DMD: variants seen among roughly 807,000 people sequenced by gnomAD.
DMD encodes mutant dystrophin.
In DMD, 63 loss-of-function variants were observed where a neutral mutation model predicts 330.1. The observed-to-expected ratio is 0.19, with a 90% confidence interval of 0.16 to 0.24. The LOEUF is 0.24. Among genes scored for constraint, DMD ranks in the 10% least tolerant of loss-of-function variants. DMD has a pLI of 1.00. For synonymous variants in DMD, 1,223 were observed against 959.8 expected (o/e 1.27, Z -5.07); for missense variants, 3,344 against 2,684.1 (o/e 1.25, Z -5.43).
rs146142607 is a variant in DMD at position 31,243,651 on chromosome X, T to C, written c.9286+17304A>G. On this transcript the variant is annotated intron_variant, in intron 63 of 78. Coordinates refer to ENST00000357033, the MANE Select transcript of DMD (RefSeq NM_004006.3). Reference sequence around the variant, plus strand: ...GATGGTTTAATTTTCCTTGTTACAATAGCAAAAGTAAAAATAATACTCCAT... The same window carrying C: ...GATGGTTTAATTTTCCTTGTTACAACAGCAAAAGTAAAAATAATACTCCAT... Among the ~76,000 whole-genome samples the C allele has an allele frequency of 5.3e-3, 601 of 112,923 alleles. 5 individuals carry two copies. The highest frequency in any genetic ancestry group is 0.018 in the African/African-American group (575 of 31,208).
intron 44 of DMD, among the ~76,000 whole-genome samples, chrX:32,125,282 A>G (rs752613556): frequency 1.8e-4 from 20 of 111,681 alleles, no homozygotes; most frequent in African/African-American, 6.5e-4. Flanking sequence ...GATATTGAGA[A>G]GGTTAAATCA....
intron 44 of DMD, among the ~76,000 whole-genome samples, chrX:31,996,564 T>C (rs1467136219): frequency 9.0e-6 from 1 of 111,699 alleles, no homozygotes; most frequent in Non-Finnish European, 1.9e-5. Flanking sequence ...CTTTATCTAG[T>C]TGAATAAAAA....
intron 9 of DMD, among the ~76,000 whole-genome samples, chrX:32,681,121 G>A (rs2062387509): frequency 8.9e-6 from 1 of 111,836 alleles, no homozygotes; most frequent in South Asian, 3.7e-4. Flanking sequence ...CTTAAGCATA[G>A]GGTTATTTCC....
chrX:33,317,398 G>C (rs977891818), intron 1 of DMD, among the ~76,000 whole-genome samples: 1 of 111,532 alleles, frequency 9.0e-6, no homozygotes, highest in African/African-American at 3.2e-5. Flanking sequence ...TATCAACTAA[G>C]AATTTTATTC....
At chrX:32,765,295 G>A (rs981649807) in intron 7 of DMD, among the ~76,000 whole-genome samples, 1 of 110,426 alleles carries the variant, frequency 9.1e-6, no homozygotes, top group Non-Finnish European at 1.9e-5. Flanking sequence ...AGTACTGTCC[G>A]CTTGGTACTA....
At chrX:31,935,655 C>G (rs772392822) in intron 45 of DMD, among the ~76,000 whole-genome samples, 1 of 111,335 alleles carries the variant, frequency 9.0e-6, no homozygotes, top group South Asian at 3.8e-4. Context: ...GTTCTGAATA[C>G]TTTTAGTTAA....
chrX:31,517,233 T>C lies in DMD; in HGVS notation c.8218-9780A>G, dbSNP rs141506469. 2.2e-3 allele frequency among the ~76,000 whole-genome samples: 242 copies of C among 111,903 alleles called. 2 individuals carry two copies. In the East Asian group the frequency reaches 0.066, roughly 31 times the overall value. On this transcript the variant is annotated intron_variant, in intron 55 of 78. Transcript: ENST00000357033. ...TTGGCAAAGATTAGATGAGATGATG[T>C]GAGTAGATCAACCAAGTACCTAACC...
intron 34 of DMD, among the ~76,000 whole-genome samples, chrX:32,376,224 G>A (rs969113594): frequency 4.5e-5 from 5 of 111,686 alleles, no homozygotes; most frequent in African/African-American, 6.5e-5. Flanking sequence ...GCAGTGAGCC[G>A]AGATCGGGCC....
intron 55 of DMD, among the ~76,000 whole-genome samples, chrX:31,612,837 A>G (rs1382136120): frequency 8.9e-6 from 1 of 112,457 alleles, no homozygotes; most frequent in African/African-American, 3.2e-5. Context: ...AGTTACTGTC[A>G]TGAGCATTTT....
intron 11 of DMD, among the ~76,000 whole-genome samples, chrX:32,627,171 CA>C (rs1427095324): frequency 4.3e-5 from 3 of 69,829 alleles, no homozygotes; most frequent in African/African-American, 2.4e-4. Context: ...CCCCAGGACA[CA>C]GCCATAATTT....
At chrX:32,791,676 T>C (rs2075829351) in intron 7 of DMD, among the ~76,000 whole-genome samples, 1 of 111,663 alleles carries the variant, frequency 9.0e-6, no homozygotes. Context: ...TAAAATAACC[T>C]ACTCAAACAA....
intron 29 of DMD, among the ~76,000 whole-genome samples, chrX:32,418,374 A>T (rs1330671413): frequency 2.7e-5 from 3 of 111,733 alleles, no homozygotes; most frequent in Non-Finnish European, 5.6e-5. Context: ...AGAGATAAAG[A>T]ACTTAAGAAA....
Position 33,167,064 on chromosome X carries a change from C to T in DMD, c.31+44218G>A, listed in dbSNP as rs187862270. Among the ~76,000 whole-genome samples, 5 of 110,719 alleles carry T rather than the reference C, an allele frequency of 4.5e-5. No individual in the cohort carries two copies. In the East Asian group the frequency reaches 1.1e-3, roughly 25 times the overall value. On this transcript the variant is annotated intron_variant, in intron 1 of 78. Transcript: ENST00000357033. ...ATCTATGAATGACACTGAAATTGTCCCTGCTCTCCTATCAGGTATTGGTAT... is the reference window on the plus strand; with the variant it reads ...ATCTATGAATGACACTGAAATTGTCTCTGCTCTCCTATCAGGTATTGGTAT...
intron 1 of DMD, among the ~76,000 whole-genome samples, chrX:33,049,610 A>C (rs1222647464): frequency 9.0e-6 from 1 of 111,194 alleles, no homozygotes; most frequent in African/African-American, 3.3e-5. Context: ...TTTGCTCTAA[A>C]TACTAAACTT....
At chrX:32,376,821 G>C (rs984098644) in intron 34 of DMD, among the ~76,000 whole-genome samples, 1 of 110,368 alleles carries the variant, frequency 9.1e-6, no homozygotes, top group Non-Finnish European at 1.9e-5. Flanking sequence ...AATACAGTAA[G>C]CCAGACCAGA....
At chrX:31,951,972 T>C (rs1195972718) in intron 45 of DMD, among the ~76,000 whole-genome samples, 2 of 111,310 alleles carry the variant, frequency 1.8e-5, no homozygotes, top group Admixed American at 1.9e-4. Flanking sequence ...TTTTGTTTTA[T>C]GCGGAATTCT....
chrX:31,632,050 A>G (rs2079159668), intron 54 of DMD, among the ~76,000 whole-genome samples: 1 of 111,413 alleles, frequency 9.0e-6, no homozygotes, highest in Admixed American at 9.6e-5. Flanking sequence ...CAGCATACCC[A>G]TTTTCTTTTT....
intron 62 of DMD, among the ~76,000 whole-genome samples, chrX:31,304,946 C>G (rs755278135): frequency 7.0e-4 from 78 of 111,241 alleles, no homozygotes; most frequent in African/African-American, 2.4e-3. Flanking sequence ...CCAGGCAGCT[C>G]TAGGGTTTCT....
At chrX:31,178,072 T>C in intron 70 of DMD, 102 bp from the exon 71 acceptor site, 1 of 1,091,689 alleles carries the variant, frequency 9.2e-7, no homozygotes, top group South Asian at 2.0e-5. Context: ...CAATTAAGTA[T>C]GAACCATGGA....
Sources: allele counts gnomAD v4.1 joint callset (sites outside exome capture counted in the v4.1 genomes callset), GRCh38; gene constraint gnomAD v4.1.1; transcripts MANE v1.5; gene names NCBI Gene and HGNC (gene_info 2026-07-23, HGNC 2026-07-21).